Variants in SNX25 observed in about 807,000 individuals in gnomAD.
The protein encoded by SNX25 is sorting nexin-25.
In SNX25, 62 loss-of-function variants were observed where a neutral mutation model predicts 113.7. The ratio of observed to expected loss-of-function variants is 0.55; its 90% confidence interval spans 0.44 to 0.67. The LOEUF (loss-of-function observed/expected upper bound fraction) is 0.67. Among genes scored for constraint, SNX25 ranks in the 30% least tolerant of loss-of-function variants. SNX25 has a pLI of 0.00. For missense variants in SNX25, 1,014 were observed against 1,161.0 expected, an observed-to-expected ratio of 0.87 and a Z score of 1.84; for synonymous variants, 421 against 436.2, an observed-to-expected ratio of 0.97 and a Z score of 0.43.
chr4:185,369,884 A>T, exon 12 of SNX25: 1 of 362,916 alleles, frequency 2.8e-6, no homozygotes, highest in Non-Finnish European at 5.4e-6. Flanking sequence ...CCACTGCTGT[A>T]ATATCAGAGT....
chr4:185,278,603 C>A (rs1380307800), intron 5 of SNX25, among the ~76,000 whole-genome samples: 1 of 152,094 alleles, frequency 6.6e-6, no homozygotes, highest in East Asian at 1.9e-4. Flanking sequence ...ACTTTCAGAT[C>A]CTGACTTTAA....
intron 2 of SNX25, among the ~76,000 whole-genome samples, chr4:185,250,805 T>C (rs1388887452): frequency 3.9e-5 from 6 of 151,970 alleles, no homozygotes; most frequent in Non-Finnish European, 7.4e-5. Flanking sequence ...ACATCTGTAG[T>C]TTTTAAATTT....
At chr4:185,344,407 T>C (rs1579867316) in intron 12 of SNX25, among the ~76,000 whole-genome samples, 1 of 151,924 alleles carries the variant, frequency 6.6e-6, no homozygotes, top group African/African-American at 2.4e-5. Context: ...TGGCCAGAGG[T>C]GTCTGGTCCG....
chr4:185,315,618 G>A (rs2095067732), intron 7 of SNX25, among the ~76,000 whole-genome samples: 1 of 152,060 alleles, frequency 6.6e-6, no homozygotes, highest in Non-Finnish European at 1.5e-5. Flanking sequence ...TATAAAACAT[G>A]TAAGGAAGAG....
At chr4:185,377,352 C>T in the SNX25 span, 1 of 211,996 alleles carries the variant, frequency 4.7e-6, no homozygotes, top group Non-Finnish European at 9.7e-6. Context: ...AACCCCGTCT[C>T]TACTAAAAAT....
downstream of SNX25, chr4:185,373,181 T>C: frequency 1.9e-6 from 2 of 1,060,000 alleles, no homozygotes; most frequent in South Asian, 1.5e-5. Flanking sequence ...GATAGCACTA[T>C]TAATCATCTC....
intron 1 of SNX25, among the ~76,000 whole-genome samples, chr4:185,212,491 G>GTGTGTTTTTGTTTTTTT (rs546083196): frequency 9.5e-6 from 1 of 104,942 alleles, no homozygotes. Flanking sequence ...GTGTGTGTGT[G>GTGTGTTTTTGTTTTTTT]TTTTTTTTTT....
rs59085661 is a variant in SNX25, at chr4:185,212,491, G to GTTTTTGTTTTTTTTTT, written c.429+2241_429+2242insGTTTTTTTTTTTTTTT. Among the ~76,000 whole-genome samples the GTTTTTGTTTTTTTTTT allele has an allele frequency of 2.9e-5, 3 of 104,944 alleles. 1 individual carries two copies. Among genetic ancestry groups the GTTTTTGTTTTTTTTTT allele is most frequent in the Non-Finnish European group, 1.9e-5 (1 of 53,272 alleles). 68.8% of individuals were successfully genotyped at this position (104,944 alleles called of 152,430 possible). ...TGTGTGTGTGTGTGTGTGTGTGTGT[G>GTTTTTGTTTTTTTTTT]TTTTTTTTTTTTTTTGCTTTGAGAC... On this transcript the variant is annotated intron_variant, in intron 1 of 18. Transcript: ENST00000652585.
intron 3 of SNX25, among the ~76,000 whole-genome samples, chr4:185,261,252 A>G (rs1001282119): frequency 3.3e-5 from 5 of 151,988 alleles, no homozygotes; most frequent in African/African-American, 9.7e-5. Context: ...ATCTTGGCTC[A>G]CTGCAACCTC....
At chr4:185,354,398 G>A (rs994565950) in intron 15 of SNX25, among the ~76,000 whole-genome samples, 17 of 152,248 alleles carry the variant, frequency 1.1e-4, no homozygotes, top group Admixed American at 2.0e-4. Flanking sequence ...GGGAAGGAGG[G>A]ACATATGGTG....
chr4:185,275,108 T>C (rs559932207), intron 5 of SNX25, among the ~76,000 whole-genome samples: 3 of 152,348 alleles, frequency 2.0e-5, no homozygotes, highest in Admixed American at 6.5e-5. Flanking sequence ...AGGACAGTGA[T>C]AGACTGCCAG....
At chr4:185,289,925 A>T (rs536755636) in intron 6 of SNX25, among the ~76,000 whole-genome samples, 2 of 152,306 alleles carry the variant, frequency 1.3e-5, no homozygotes, top group South Asian at 2.1e-4. Flanking sequence ...ACAGTTCTGG[A>T]GGCTGGAAAC....
At chr4:185,288,745 G>A (rs1751729694) in intron 6 of SNX25, among the ~76,000 whole-genome samples, 1 of 152,152 alleles carries the variant, frequency 6.6e-6, no homozygotes, top group Admixed American at 6.5e-5. Flanking sequence ...CAACTCCCTT[G>A]TAGTTTGCCT....
At chr4:185,291,948 A>C (rs928766452) in intron 6 of SNX25, among the ~76,000 whole-genome samples, 7 of 152,204 alleles carry the variant, frequency 4.6e-5, no homozygotes, top group Non-Finnish European at 7.3e-5. Context: ...TGGTAAGTTC[A>C]AGTATAGCAT....
intron 7 of SNX25, 56 bp downstream of exon 7, chr4:185,310,872 A>C: frequency 6.7e-7 from 1 of 1,486,234 alleles, no homozygotes; most frequent in Non-Finnish European, 9.0e-7. Context: ...AAATGCTGAT[A>C]GAACTACATA....
At position 185,210,660 on chromosome 4, in the gene SNX25, C is replaced by T. The variant is rs945821044; in HGVS notation, c.429+405C>T. On this transcript the variant is annotated intron_variant, in intron 1 of 18. Transcript: ENST00000652585. The surrounding 1 kb of genome is among the most constrained non-coding windows in gnomAD (Gnocchi z 4.4). ...TCCGCTTGGTTCTTCTGGCCGTTCTCGGTGGGAGGCAACTTTATGACCGTT... is the reference window on the plus strand; with the variant it reads ...TCCGCTTGGTTCTTCTGGCCGTTCTTGGTGGGAGGCAACTTTATGACCGTT... Among the ~76,000 whole-genome samples the T allele has an allele frequency of 9.2e-5, 14 of 151,984 alleles. No homozygotes were observed. Among genetic ancestry groups the T allele is most frequent in the Admixed American group, 4.6e-4 (7 of 15,256 alleles).
chr4:185,302,563 A>G (rs534869719), intron 6 of SNX25, among the ~76,000 whole-genome samples: 1 of 152,318 alleles, frequency 6.6e-6, no homozygotes, highest in East Asian at 1.9e-4. Context: ...CAAAGGAAAA[A>G]TGCAGTTGGA....
chr4:185,365,616 A>G (rs912302409), downstream of SNX25: 2 of 150,718 alleles, frequency 1.3e-5, no homozygotes, highest in African/African-American at 4.9e-5. Context: ...AGCCTCCCAA[A>G]GTGCTGGGAT....
intron 6 of SNX25, among the ~76,000 whole-genome samples, chr4:185,305,964 C>G (rs1754412305): frequency 6.6e-6 from 1 of 152,200 alleles, no homozygotes; most frequent in Non-Finnish European, 1.5e-5. Context: ...CGGTGTTTCA[C>G]TGGCCACTTC....
Sources: gnomAD v4.1 joint callset for allele counts (sites outside exome capture counted in the v4.1 genomes callset) on GRCh38, gnomAD v4.1.1 for gene constraint, Gnocchi (gnomAD v3.1) non-coding constraint, MANE v1.5 for transcripts, NCBI Gene and HGNC (gene_info 2026-07-23, HGNC 2026-07-21) for gene names.